The following PPFIBP2 variants were observed in gnomAD, a reference collection of about 807,000 sequenced individuals.
PPFIBP2 encodes liprin-beta-2.
Under a neutral mutation model 118.3 loss-of-function variants are expected in PPFIBP2, and 118 were observed. That is an observed-to-expected ratio of 1.00 (90% CI 0.86 to 1.16). The LOEUF is 1.16. Ranked by LOEUF, PPFIBP2 falls within the 50% of genes most tolerant of loss-of-function variation. The pLI is 0.00. For missense variants in PPFIBP2, 1,195 were observed against 1,073.1 expected (o/e 1.11, Z -1.59); for synonymous variants, 414 against 397.4 (o/e 1.04, Z -0.50).
intron 14 of PPFIBP2, among the ~76,000 whole-genome samples, chr11:7,635,842 T>G (rs574991498): frequency 2.0e-5 from 3 of 152,320 alleles, no homozygotes; most frequent in African/African-American, 4.8e-5. Flanking sequence ...CTCAGAGAAA[T>G]TAATCTTTAA....
chr11:7,522,602 A>G (rs1306196977), intron 1 of PPFIBP2, among the ~76,000 whole-genome samples: 1 of 152,200 alleles, frequency 6.6e-6, no homozygotes, highest in Admixed American at 6.5e-5. Flanking sequence ...TGGAGATTCC[A>G]TTAGGCAATG....
chr11:7,539,097 T>A (rs1851514117), intron 1 of PPFIBP2: 1 of 152,278 alleles, frequency 6.6e-6, no homozygotes, highest in African/African-American at 2.4e-5. Flanking sequence ...TCTTTTAGGC[T>A]ACTTAAGCTT....
chr11:7,535,874 A>G (rs896460587), intron 1 of PPFIBP2, among the ~76,000 whole-genome samples: 1 of 152,134 alleles, frequency 6.6e-6, no homozygotes, highest in Non-Finnish European at 1.5e-5. Flanking sequence ...GGTGGCTCAC[A>G]CGGGAGGGGA....
intron 17 of PPFIBP2, among the ~76,000 whole-genome samples, chr11:7,647,327 A>G (rs902276084): frequency 1.3e-5 from 2 of 152,220 alleles, no homozygotes; most frequent in African/African-American, 4.8e-5. Context: ...TTAGTGTGCT[A>G]TTCACACTTT....
chr11:7,616,422 G>A lies in PPFIBP2; in HGVS notation c.619-4513G>A, dbSNP rs767306294. Reference sequence around the variant, plus strand: ...CCAACTCTATGATGGTTTGCAAGAAGGGAGGAGACAAAGTAGGGATCCGTG... The same window carrying A: ...CCAACTCTATGATGGTTTGCAAGAAAGGAGGAGACAAAGTAGGGATCCGTG... On this transcript the variant is annotated intron_variant, in intron 6 of 23. Transcript: ENST00000299492. The surrounding 1 kb of genome is among the most constrained non-coding windows in gnomAD (Gnocchi z 5.2). Among the ~76,000 whole-genome samples the A allele has an allele frequency of 6.6e-6, 1 of 152,220 alleles. No homozygotes were observed. Among genetic ancestry groups the A allele is most frequent in the Non-Finnish European group, 1.5e-5 (1 of 68,032 alleles).
chr11:7,592,424 T>G (rs1236417936), intron 3 of PPFIBP2, among the ~76,000 whole-genome samples: 1 of 152,170 alleles, frequency 6.6e-6, no homozygotes, highest in Non-Finnish European at 1.5e-5. Context: ...TTTCCTTAGC[T>G]TTTGCTCTGG....
At chr11:7,521,039 G>A (rs543401525) in intron 1 of PPFIBP2, among the ~76,000 whole-genome samples, 1 of 152,304 alleles carries the variant, frequency 6.6e-6, no homozygotes, top group African/African-American at 2.4e-5. Context: ...TCTCCTTAGT[G>A]CCTCAAGTTC....
At chr11:7,632,982 C>A in intron 12 of PPFIBP2, 48 bp downstream of exon 12, 1 of 1,555,658 alleles carries the variant, frequency 6.4e-7, no homozygotes, top group Non-Finnish European at 8.9e-7. Flanking sequence ...CTCAGGCTTG[C>A]CTTGGGGCTG....
intron 4 of PPFIBP2, among the ~76,000 whole-genome samples, chr11:7,593,780 A>T (rs963423895): frequency 6.6e-6 from 1 of 152,198 alleles, no homozygotes; most frequent in Non-Finnish European, 1.5e-5. Context: ...ACGGAGAAAG[A>T]TCATCAAGGG....
At chr11:7,538,736 A>G (rs1251117001) in intron 1 of PPFIBP2, among the ~76,000 whole-genome samples, 1 of 150,722 alleles carries the variant, frequency 6.6e-6, no homozygotes, top group African/African-American at 2.5e-5. Flanking sequence ...TACCCGGTGC[A>G]TAAAACTCAC....
the PPFIBP2 span, chr11:7,666,072 G>A: frequency 1.0e-5 from 7 of 676,234 alleles, no homozygotes; most frequent in Non-Finnish European, 1.8e-5. Flanking sequence ...AGGTGAGGTG[G>A]GCGGTAAGGG....
chr11:7,592,981 A>G, intron 3 of PPFIBP2, 151 bp from the exon 4 acceptor site: 5 of 1,240,356 alleles, frequency 4.0e-6, no homozygotes, highest in Non-Finnish European at 5.4e-6. Context: ...TAGTTTTGAA[A>G]TCTTGTGGTT....
intron 6 of PPFIBP2, among the ~76,000 whole-genome samples, chr11:7,617,836 A>G (rs1398301213): frequency 2.0e-5 from 3 of 152,230 alleles, no homozygotes; most frequent in African/African-American, 7.2e-5. Flanking sequence ...TCCCCCCCAC[A>G]TAATCACATC....
intron 3 of PPFIBP2, among the ~76,000 whole-genome samples, chr11:7,582,914 C>T (rs1057474552): frequency 1.3e-5 from 2 of 152,176 alleles, no homozygotes; most frequent in African/African-American, 2.4e-5. Context: ...CTTCTCTCAG[C>T]TCCTCCCTGC....
At chr11:7,521,939 A>C (rs1340103332) in intron 1 of PPFIBP2, among the ~76,000 whole-genome samples, 1 of 152,222 alleles carries the variant, frequency 6.6e-6, no homozygotes, top group Non-Finnish European at 1.5e-5. Context: ...GTGAAGATGG[A>C]GTCCCAGGCT....
At chr11:7,652,642 G>A (rs1392872664) in intron 23 of PPFIBP2, among the ~76,000 whole-genome samples, 1 of 152,236 alleles carries the variant, frequency 6.6e-6, no homozygotes, top group Non-Finnish European at 1.5e-5. Flanking sequence ...CAGGTGCTGA[G>A]ATGGGAAAGG....
chr11:7,620,368 C>T (rs1221601444), intron 6 of PPFIBP2, among the ~76,000 whole-genome samples: 1 of 152,096 alleles, frequency 6.6e-6, no homozygotes. Context: ...GATGCCTTCT[C>T]CCTCCCTTCT....
chr11:7,665,723 C>T, the PPFIBP2 span: 36 of 1,179,310 alleles, frequency 3.1e-5, no homozygotes, highest in Non-Finnish European at 3.9e-5. Context: ...CAGCCCTCTG[C>T]AGCAATCACC....
At chr11:7,654,112 G>A (rs1165797374), downstream of PPFIBP2, among the ~76,000 whole-genome samples, 1 of 152,188 alleles carries the variant, frequency 6.6e-6, no homozygotes, top group Non-Finnish European at 1.5e-5. Flanking sequence ...AGACAAGAAG[G>A]CACCTTGCTG....
Sources: allele counts gnomAD v4.1 joint callset (sites outside exome capture counted in the v4.1 genomes callset), GRCh38; gene constraint gnomAD v4.1.1; non-coding constraint Gnocchi (gnomAD v3.1); transcripts MANE v1.5; gene names NCBI Gene and HGNC (gene_info 2026-07-23, HGNC 2026-07-21).